Variants in CHCHD3 observed in about 807,000 individuals in gnomAD.
CHCHD3 encodes MICOS complex subunit MIC19.
CHCHD3 carries 20 observed loss-of-function variants against 38.2 expected under a neutral mutation model. The ratio of observed to expected loss-of-function variants is 0.52; its 90% CI spans 0.37 to 0.76. The LOEUF (loss-of-function observed/expected upper bound fraction) is 0.76, where lower values mean the gene tolerates loss of function less well. Ranked by LOEUF, CHCHD3 falls within the 30% of genes least tolerant of loss-of-function variation. The probability of loss-of-function intolerance (pLI) is 0.00; values close to 1 mark genes in which losing one functional copy is unlikely to be tolerated. For synonymous variants in CHCHD3, 82 were observed against 100.0 expected, an observed-to-expected ratio of 0.82 and a Z score of 1.07; for missense variants, 245 against 279.2, an observed-to-expected ratio of 0.88 and a Z score of 0.87.
intron 3 of CHCHD3, among the ~76,000 whole-genome samples, chr7:132,982,308 G>A (rs1023248272): frequency 5.9e-5 from 9 of 151,708 alleles, no homozygotes; most frequent in Non-Finnish European, 7.4e-5. Flanking sequence ...TTTTTGAGAC[G>A]GAGTCTCACT....
intron 5 of CHCHD3, among the ~76,000 whole-genome samples, chr7:132,882,749 CAT>C (rs1809099447): frequency 6.6e-6 from 1 of 152,124 alleles, no homozygotes. Context: ...AGGTACCTAA[CAT>C]AGTAAAACCT....
At chr7:132,965,085 G>GTGTGTGTT (rs1381188760) in intron 4 of CHCHD3, among the ~76,000 whole-genome samples, 3 of 151,596 alleles carry the variant, frequency 2.0e-5, no homozygotes, top group Non-Finnish European at 4.4e-5. Flanking sequence ...GTGTGTGTGT[G>GTGTGTGTT]TTTTACTTCC....
chr7:132,833,528 A>G (rs1170623677), intron 6 of CHCHD3, among the ~76,000 whole-genome samples: 2 of 152,214 alleles, frequency 1.3e-5, no homozygotes. Flanking sequence ...TCATTTAAAA[A>G]GTTTGTCTTC....
chr7:132,858,766 C>A (rs907929051), intron 5 of CHCHD3, among the ~76,000 whole-genome samples: 3 of 152,154 alleles, frequency 2.0e-5, no homozygotes, highest in Non-Finnish European at 4.4e-5. Context: ...ATAATAATAT[C>A]TTTACAAATC....
At chr7:132,919,739 G>A (rs1810211350) in intron 4 of CHCHD3, among the ~76,000 whole-genome samples, 1 of 152,138 alleles carries the variant, frequency 6.6e-6, no homozygotes, top group Non-Finnish European at 1.5e-5. Flanking sequence ...GAGCAAAGAT[G>A]TCTTGTCTTG....
At chr7:132,844,370 G>A (rs1322441138) in intron 5 of CHCHD3, among the ~76,000 whole-genome samples, 2 of 152,198 alleles carry the variant, frequency 1.3e-5, no homozygotes, top group African/African-American at 4.8e-5. Flanking sequence ...ATCTTCTAAT[G>A]AATAATCATT....
intron 4 of CHCHD3, among the ~76,000 whole-genome samples, chr7:132,954,442 G>C (rs1811109995): frequency 6.6e-6 from 1 of 152,172 alleles, no homozygotes; most frequent in Non-Finnish European, 1.5e-5. Context: ...GGAAGAAGCT[G>C]TCAGGGCTGG....
rs186598702 is a variant in CHCHD3, at chr7:132,977,192, C to A, written c.252-1906G>T. Among the ~76,000 whole-genome samples, 10 of 152,326 alleles carry A rather than the reference C, an allele frequency of 6.6e-5. No homozygotes were observed. The East Asian group carries it at 1.9e-3, about 29-fold the overall frequency. ...CACACCACTTCCTAGAACAGCAGTTCTAAAACTACAGTCCACAAACCAGCT... is the reference window on the plus strand; with the variant it reads ...CACACCACTTCCTAGAACAGCAGTTATAAAACTACAGTCCACAAACCAGCT... On this transcript the variant is annotated intron_variant, in intron 3 of 7. Coordinates refer to ENST00000262570, the MANE Select transcript of CHCHD3 (RefSeq NM_017812.4).
chr7:133,076,245 A>G (rs1814988659), intron 1 of CHCHD3, among the ~76,000 whole-genome samples: 1 of 152,088 alleles, frequency 6.6e-6, no homozygotes, highest in African/African-American at 2.4e-5. Context: ...TATTTGTAGC[A>G]AAGAATAGTG....
chr7:133,054,894 T>C (rs1420893376), intron 2 of CHCHD3, among the ~76,000 whole-genome samples: 2 of 152,222 alleles, frequency 1.3e-5, no homozygotes, highest in South Asian at 2.1e-4. Context: ...CAAGTGTTTC[T>C]TGAGCACCTT....
chr7:132,973,672 A>T, intron 4 of CHCHD3: 3 of 1,025,256 alleles, frequency 2.9e-6, no homozygotes, highest in Non-Finnish European at 3.5e-6. Flanking sequence ...TTGTCACTGA[A>T]GAAACTGATT....
rs192684796 is a variant in CHCHD3, at chr7:132,970,438, C to T, written c.369+4731G>A. 4.3e-3 allele frequency among the ~76,000 whole-genome samples: 654 copies of T among 152,248 alleles called. 2 individuals carry two copies. Among genetic ancestry groups the T allele is most frequent in the Non-Finnish European group, 6.7e-3 (453 of 68,034 alleles). ...CTGGCATATATTAGGCACTCAATTA[C>T]GTGTTGAATAAATAAATGCAAACAT... On this transcript the variant is annotated intron_variant, in intron 4 of 7. Transcript: ENST00000262570.
intron 4 of CHCHD3, among the ~76,000 whole-genome samples, chr7:132,899,202 G>A (rs1482496035): frequency 6.6e-6 from 1 of 152,196 alleles, no homozygotes; most frequent in Non-Finnish European, 1.5e-5. Flanking sequence ...ACTGATTATG[G>A]GGGCATGTGT....
chr7:133,059,018 A>G (rs1814421588), intron 2 of CHCHD3, among the ~76,000 whole-genome samples: 1 of 152,196 alleles, frequency 6.6e-6, no homozygotes, highest in Non-Finnish European at 1.5e-5. Context: ...CCCTACCCAG[A>G]AGCCAAACCA....
rs13235276 is a variant in CHCHD3 at position 133,024,533 on chromosome 7, C to T, written c.251+13G>A. The stretch of plus-strand genomic sequence containing the variant: ...AACCCACCAAAACCTCTCTCTGATA[C>T]CACAAAACTCACCGTTTCTGATCTT... On this transcript the variant is annotated intron_variant, in intron 3 of 7. Coordinates refer to ENST00000262570, the MANE Select transcript of CHCHD3 (RefSeq NM_017812.4). 0.36 allele frequency: 571,355 copies of T among 1,591,330 alleles called. 104,990 individuals carry two copies. Among genetic ancestry groups the T allele is most frequent in the Admixed American group, 0.45 (26,842 of 59,922 alleles).
At chr7:132,984,077 T>TCACCCTCTCTTTCCACGGTCTCCCC (rs1812002057) in intron 3 of CHCHD3, among the ~76,000 whole-genome samples, 1 of 151,382 alleles carries the variant, frequency 6.6e-6, no homozygotes, top group Non-Finnish European at 1.5e-5. Context: ...ACGGTCTCCC[T>TCACCCTCTCTTTCCACGGTCTCCCC]CTCCCTCTCT....
chr7:132,876,894 C>G (rs952784533), intron 5 of CHCHD3, among the ~76,000 whole-genome samples: 2 of 152,126 alleles, frequency 1.3e-5, no homozygotes, highest in African/African-American at 4.8e-5. Flanking sequence ...AAAGCCCTGA[C>G]ACATCATAAT....
At chr7:133,006,856 ATTAAG>A (rs1395152451) in intron 3 of CHCHD3, among the ~76,000 whole-genome samples, 2 of 152,190 alleles carry the variant, frequency 1.3e-5, no homozygotes, top group Non-Finnish European at 2.9e-5. Context: ...GTGAACTACA[ATTAAG>A]TTATTTATAT....
intron 6 of CHCHD3, among the ~76,000 whole-genome samples, chr7:132,831,172 A>C (rs1487827195): frequency 6.6e-6 from 1 of 152,186 alleles, no homozygotes; most frequent in East Asian, 1.9e-4. Context: ...TCTAGTTATA[A>C]TGTAACTGCT....
Sources: allele counts gnomAD v4.1 joint callset (sites outside exome capture counted in the v4.1 genomes callset), GRCh38; gene constraint gnomAD v4.1.1; transcripts MANE v1.5; gene names NCBI Gene and HGNC (gene_info 2026-07-23, HGNC 2026-07-21).